PTPRF: variants seen among roughly 807,000 people sequenced by gnomAD.
PTPRF encodes protein tyrosine phosphatase receptor type F.
Under a neutral mutation model 201.8 loss-of-function variants are expected in PTPRF, and 59 were observed. The ratio of observed to expected loss-of-function variants is 0.29; its 90% CI spans 0.24 to 0.36. PTPRF has a LOEUF of 0.36. Ranked by LOEUF, PTPRF falls within the 10% of genes least tolerant of loss-of-function variation. The pLI, the probability that PTPRF is intolerant of heterozygous loss-of-function variation, is 1.00. For missense variants in PTPRF, 2,132 were observed against 2,690.5 expected (o/e 0.79, Z 4.59); for synonymous variants, 1,088 against 1,089.7 (o/e 1.00, Z 0.03).
At chr1:43,579,293 C>T (rs1372881713) in intron 7 of PTPRF, 3 of 462,040 alleles carry the variant, frequency 6.5e-6, no homozygotes, top group East Asian at 6.4e-5. Flanking sequence ...TAAATGCATG[C>T]ATACCTGGCC....
chr1:43,609,702 G>T (rs932804097), intron 22 of PTPRF, among the ~76,000 whole-genome samples: 1 of 152,200 alleles, frequency 6.6e-6, no homozygotes, highest in Admixed American at 6.5e-5. Context: ...AGCTGGACAG[G>T]TGCCCCAGGC....
chr1:43,571,220 C>G (rs184651464), intron 6 of PTPRF, among the ~76,000 whole-genome samples: 17 of 152,314 alleles, frequency 1.1e-4, no homozygotes, highest in Non-Finnish European at 2.2e-4. Flanking sequence ...AACCACACTC[C>G]CATTTTTCCC....
chr1:43,617,043 T>G (rs1658035377), intron 23 of PTPRF, among the ~76,000 whole-genome samples: 1 of 152,030 alleles, frequency 6.6e-6, no homozygotes, highest in Non-Finnish European at 1.5e-5. Flanking sequence ...CTGGCTCATT[T>G]CATTAGGTGA....
At chr1:43,561,645 C>G (rs1569947232) in intron 5 of PTPRF, among the ~76,000 whole-genome samples, 1 of 152,134 alleles carries the variant, frequency 6.6e-6, no homozygotes, top group East Asian at 1.9e-4. Context: ...TGCTGTAGTC[C>G]TCTGTGACCT....
At chr1:43,522,453 G>A (rs2153942167), upstream of PTPRF, among the ~76,000 whole-genome samples, 1 of 152,244 alleles carries the variant, frequency 6.6e-6, no homozygotes, top group African/African-American at 2.4e-5. Context: ...CATTTACTGG[G>A]TAGTGACTGG....
intron 1 of PTPRF, among the ~76,000 whole-genome samples, chr1:43,536,273 T>A (rs1195236726): frequency 6.6e-6 from 1 of 152,168 alleles, no homozygotes; most frequent in Non-Finnish European, 1.5e-5. Context: ...GGTTGCCTGA[T>A]AGGTTGTTTT....
upstream of PTPRF, among the ~76,000 whole-genome samples, chr1:43,527,122 A>G (rs528469879): frequency 2.9e-4 from 44 of 152,376 alleles, no homozygotes; most frequent in Non-Finnish European, 5.0e-4. Context: ...CAGTTGGCCC[A>G]GGACCTGGAC....
chr1:43,571,357 C>A (rs1433325221), intron 6 of PTPRF, among the ~76,000 whole-genome samples: 3 of 152,192 alleles, frequency 2.0e-5, no homozygotes, highest in Non-Finnish European at 4.4e-5. Flanking sequence ...GACGAGCTCA[C>A]CCCCTCCTAA....
chr1:43,526,785 C>G (rs887470175), upstream of PTPRF, among the ~76,000 whole-genome samples: 4 of 152,162 alleles, frequency 2.6e-5, no homozygotes, highest in Non-Finnish European at 5.9e-5. Flanking sequence ...TCCCAAGGAC[C>G]AGGTTGGACA....
intron 6 of PTPRF, among the ~76,000 whole-genome samples, chr1:43,578,583 TG>T (rs1392600290): frequency 2.0e-5 from 3 of 152,054 alleles, no homozygotes; most frequent in Non-Finnish European, 4.4e-5. Flanking sequence ...TGCTGGACTG[TG>T]GGGAGCATGA....
intron 7 of PTPRF, chr1:43,583,024 T>C: frequency 1.0e-6 from 1 of 967,310 alleles, no homozygotes; most frequent in Non-Finnish European, 1.2e-6. Context: ...TTGTCTTTTT[T>C]TTATTCCCTC....
upstream of PTPRF, among the ~76,000 whole-genome samples, chr1:43,528,937 C>A (rs1305966080): frequency 1.3e-5 from 2 of 152,044 alleles, no homozygotes; most frequent in Non-Finnish European, 2.9e-5. Context: ...AGGACAGAGT[C>A]CCGGAAGAGC....
chr1:43,581,884 G>C (rs967066444), intron 7 of PTPRF, among the ~76,000 whole-genome samples: 3 of 152,218 alleles, frequency 2.0e-5, no homozygotes, highest in African/African-American at 7.2e-5. Flanking sequence ...TGGGCTGGAC[G>C]ATTCTTAGTT....
chr1:43,606,829 A>T lies in PTPRF; in HGVS notation c.3718A>T (p.Ser1240Cys). 6.2e-7 allele frequency: 1 copy of T among 1,613,892 alleles called. No individual in the cohort carries two copies. ...CGGGCCACAGAAGCGCTATGCCTCC[A>T]GCCCCTACTCGGATGAGATCGTGGT... ...EPMDQKRYAS[S>C]PYSDEIVVQV... Residue 1240 changes from serine to cysteine, a missense_variant, in exon 21 of 34, where the codon AGC becomes TGC. Physicochemically the swap from Ser to Cys is moderately radical, Grantham distance 112. This residue lies in a region of PTPRF where 818 missense variants were observed against 915.3 expected (regional missense o/e 0.89). Transcript: ENST00000359947.
intron 13 of PTPRF, 90 bp from the exon 14 acceptor site, chr1:43,601,981 C>G: frequency 6.7e-7 from 1 of 1,489,640 alleles, no homozygotes; most frequent in Non-Finnish European, 9.4e-7. Flanking sequence ...CCTCTGTCCT[C>G]CCTGGGCAAG....
chr1:43,570,429 G>C (rs1348235033), intron 6 of PTPRF, among the ~76,000 whole-genome samples: 1 of 152,254 alleles, frequency 6.6e-6, no homozygotes, highest in African/African-American at 2.4e-5. Flanking sequence ...AAGAGGCTCA[G>C]AATCAGCTTG....
At chr1:43,571,327 A>T (rs772033505) in intron 6 of PTPRF, among the ~76,000 whole-genome samples, 8 of 151,830 alleles carry the variant, frequency 5.3e-5, no homozygotes, top group Non-Finnish European at 1.2e-4. Context: ...CCTTTGCCCT[A>T]TGGACACAGC....
intron 3 of PTPRF, among the ~76,000 whole-genome samples, chr1:43,548,703 C>T (rs572340683): frequency 2.6e-4 from 40 of 152,256 alleles, no homozygotes; most frequent in Middle Eastern, 3.4e-3. Context: ...GAGTGGGCTC[C>T]AGGGGGGTAC....
chr1:43,611,255 T>G (rs1226722228), intron 22 of PTPRF, among the ~76,000 whole-genome samples: 1 of 152,128 alleles, frequency 6.6e-6, no homozygotes, highest in East Asian at 1.9e-4. Context: ...CATGATTAGA[T>G]CTCTGAAGAA....
Sources: gnomAD v4.1 joint callset for allele counts (sites outside exome capture counted in the v4.1 genomes callset) on GRCh38, gnomAD v4.1.1 for gene constraint, gnomAD v4.1.1 regional missense constraint, MANE v1.5 for transcripts, NCBI Gene and HGNC (gene_info 2026-07-23, HGNC 2026-07-21) for gene names.